ASAH1: variants seen among roughly 807,000 people sequenced by gnomAD.
The protein encoded by ASAH1 is N-acylsphingosine amidohydrolase 1, also known as acid ceramidase.
Under a neutral mutation model 59.5 loss-of-function variants are expected in ASAH1, and 70 were observed. The ratio of observed to expected loss-of-function variants is 1.18; its 90% CI spans 0.97 to 1.43. ASAH1 has a LOEUF of 1.43. Among genes scored for constraint, ASAH1 ranks in the 40% most tolerant of loss-of-function variants. ASAH1 has a pLI of 0.00. For synonymous variants in ASAH1, 213 were observed against 166.5 expected (o/e 1.28, Z -2.15); for missense variants, 660 against 482.5 (o/e 1.37, Z -3.45).
rs145736607 is a variant in ASAH1, at chr8:18,083,262, G to A, written c.78+719C>T. On this transcript the variant is annotated intron_variant, in intron 1 of 13. Coordinates refer to ENST00000637790, the MANE Select transcript of ASAH1 (RefSeq NM_177924.5). ...TATGAAAGAGTACTGGGCGTCAAGA[G>A]GCTCGGACGTTACGCATGTTCAGTA... 3 of 152,464 alleles carry A rather than the reference G, an allele frequency of 2.0e-5. No homozygotes were observed. The East Asian group carries it at 5.8e-4, about 29-fold the overall frequency. The allele number at this position is 152,464 out of a possible 1,614,324, so 9.4% of individuals were successfully genotyped here.
At chr8:18,073,174 C>G in intron 2 of ASAH1, 2 of 1,293,226 alleles carry the variant, frequency 1.5e-6, no homozygotes, top group Non-Finnish European at 2.2e-6. Flanking sequence ...CACATTTTAC[C>G]TCTCGTTAAA....
rs546354771 is a variant in ASAH1, at chr8:18,056,795, C to G, written c.*739G>C. The G allele has an allele frequency of 6.7e-6, 1 of 149,864 alleles. No homozygotes were observed. The highest frequency in any genetic ancestry group is 2.1e-4 in the South Asian group (1 of 4,692). The allele number at this position is 149,864 out of a possible 1,614,324, so 9.3% of individuals were successfully genotyped here. ...TTGTTTATTTACTAAATTAACAGAACGTGGGATGCAGTTTTTTAAGTTAGC... is the reference window on the plus strand; with the variant it reads ...TTGTTTATTTACTAAATTAACAGAAGGTGGGATGCAGTTTTTTAAGTTAGC... On this transcript the variant is annotated 3_prime_UTR_variant, in exon 14 of 14. Coordinates refer to ENST00000637790, the MANE Select transcript of ASAH1 (RefSeq NM_177924.5).
intron 7 of ASAH1, 145 bp from the exon 8 acceptor site, chr8:18,062,568 T>TTATTCTGTTTTCCAAATGATATAA: frequency 1.1e-6 from 1 of 875,994 alleles, no homozygotes; most frequent in East Asian, 2.6e-5. Context: ...ATATGGTATA[T>TTATTCTGTTTTCCAAATGATATAA]TTATTCTGTT....
At chr8:18,082,394 C>T (rs961646748) in intron 1 of ASAH1, 9 of 152,196 alleles carry the variant, frequency 5.9e-5, no homozygotes, top group African/African-American at 1.4e-4. Context: ...GCCAGGTAAG[C>T]TCTGTTTTCC....
At chr8:18,067,500 T>G (rs1042238708) in intron 4 of ASAH1, 8 of 241,136 alleles carry the variant, frequency 3.3e-5, no homozygotes, top group Non-Finnish European at 5.5e-5. Context: ...AAAGATTCTA[T>G]GTAATACTGA....
chr8:18,076,763 G>A (rs777806978), intron 1 of ASAH1: 5 of 152,192 alleles, frequency 3.3e-5, no homozygotes, highest in South Asian at 4.1e-4. Context: ...TGTAGCTTGA[G>A]CACAGAAAAT....
intron 1 of ASAH1, among the ~76,000 whole-genome samples, chr8:18,080,729 T>C (rs1800618092): frequency 6.6e-6 from 1 of 152,104 alleles, no homozygotes; most frequent in Admixed American, 6.5e-5. Context: ...AGCTAATTTT[T>C]GTATTTTTAG....
chr8:18,061,121 T>C (rs573590521), intron 10 of ASAH1: 2 of 353,638 alleles, frequency 5.7e-6, no homozygotes, highest in South Asian at 6.0e-5. Context: ...TTTTTTTCTG[T>C]ACACCAAAAA....
At chr8:18,064,584 A>T in intron 5 of ASAH1, 53 bp from the exon 6 acceptor site, 1 of 1,053,820 alleles carries the variant, frequency 9.5e-7, no homozygotes, top group Non-Finnish European at 1.4e-6. Context: ...CAATGGGAGA[A>T]AAATTTGTTT....
At chr8:18,063,338 C>T (rs1799786858) in intron 6 of ASAH1, 108 bp from the exon 7 acceptor site, 1 of 1,090,838 alleles carries the variant, frequency 9.2e-7, no homozygotes, top group East Asian at 2.5e-5. Context: ...GAGTCTCGTT[C>T]TGTTGGCCAG....
In ASAH1 at chr8:18,056,338, CTT is replaced by C. The variant is rs1799467931; in HGVS notation, c.*1194_*1195del. On this transcript the variant is annotated 3_prime_UTR_variant, in exon 14 of 14. Coordinates refer to ENST00000637790, the MANE Select transcript of ASAH1 (RefSeq NM_177924.5). ...TATTTAATAACCCACTTACATAACC[CTT>C]GTTATTTAATTCAGATACGATGTTC... 1 of 152,104 alleles carries C rather than the reference CTT, an allele frequency of 6.6e-6. No homozygotes were observed. The highest frequency in any genetic ancestry group is 1.5e-5 in the Non-Finnish European group (1 of 68,032). The allele number at this position is 152,104 out of a possible 1,614,324, so 9.4% of individuals were successfully genotyped here. A position where few individuals can be genotyped will look rare whatever the true frequency, so the allele number is the denominator to read the frequency against.
intron 3 of ASAH1, 152 bp from the exon 4 acceptor site, chr8:18,070,030 G>C: frequency 1.8e-6 from 1 of 542,966 alleles, no homozygotes. Flanking sequence ...ACCCAGGCTG[G>C]AGTGCAGTAG....
At chr8:18,063,849 G>T (rs6421406) in intron 6 of ASAH1, 157,387 of 157,412 alleles carry the variant, frequency 1, 78,681 homozygotes, top group Non-Finnish European at 1. Context: ...CACAGAAATC[G>T]GAGCCTCAAT....
intron 5 of ASAH1, chr8:18,066,103 C>T (rs1259770089): frequency 6.6e-6 from 1 of 151,788 alleles, no homozygotes; most frequent in Non-Finnish European, 1.5e-5. Flanking sequence ...AAAAAGTAAA[C>T]ATTAAACATC....
intron 4 of ASAH1, 26 bp from the exon 5 acceptor site, chr8:18,067,324 G>C: frequency 7.0e-7 from 1 of 1,424,610 alleles, no homozygotes. Flanking sequence ...ATTAATAAAA[G>C]CATTTAACAT....
rs927599534 is a variant in ASAH1 at position 18,057,792 on chromosome 8, T to C, written c.1099-169A>G. On this transcript the variant is annotated intron_variant, in intron 13 of 13. Transcript: ENST00000637790. ...TATAATGTATATATTTATATTAATA[T>C]AGTATAATCATATAAAATTAGCTAA... 1.5e-5 allele frequency: 3 copies of C among 205,168 alleles called. No individual in the cohort carries two copies. In the Admixed American group the frequency reaches 1.8e-4, roughly 12 times the overall value. The allele number at this position is 205,168 out of a possible 1,614,324, so 12.7% of individuals were successfully genotyped here.
chr8:18,084,717 C>A, upstream of ASAH1: 2 of 1,613,798 alleles, frequency 1.2e-6, no homozygotes, highest in Non-Finnish European at 8.5e-7. Context: ...AGAATTGAGG[C>A]CTCGGTGAAA....
intron 1 of ASAH1, among the ~76,000 whole-genome samples, chr8:18,080,432 C>T (rs547565811): frequency 6.6e-6 from 1 of 152,314 alleles, no homozygotes; most frequent in Non-Finnish European, 1.5e-5. Context: ...AACACTGCTC[C>T]AGTCGAGGTG....
intron 1 of ASAH1, among the ~76,000 whole-genome samples, chr8:18,079,658 G>A (rs7823998): frequency 0.48 from 73,365 of 151,944 alleles, 18,107 homozygotes; most frequent in Non-Finnish European, 0.53. Context: ...AGACAATGAA[G>A]GATAATCTAA....
Sources: allele counts gnomAD v4.1 joint callset (sites outside exome capture counted in the v4.1 genomes callset), GRCh38; gene constraint gnomAD v4.1.1; transcripts MANE v1.5; gene names NCBI Gene and HGNC (gene_info 2026-07-23, HGNC 2026-07-21).